The following PHF24 variants were observed in gnomAD, a reference collection of about 807,000 sequenced individuals.
PHF24 encodes the protein PHD finger protein 24, also known as Galpha inhibitory interacting protein.
PHF24 carries 25 observed loss-of-function variants against 42.6 expected under a neutral mutation model. The observed-to-expected ratio is 0.59, with a 90% CI of 0.43 to 0.82. The LOEUF is 0.82. Ranked by LOEUF, PHF24 falls within the 40% of genes least tolerant of loss-of-function variation. PHF24 has a pLI of 0.00. For synonymous variants in PHF24, 185 were observed against 204.8 expected (o/e 0.90, Z 0.83); for missense variants, 470 against 538.1 (o/e 0.87, Z 1.25).
chr9:34,691,327 C>A, the PHF24 span: 4 of 522,976 alleles, frequency 7.6e-6, no homozygotes, highest in Admixed American at 1.4e-4. Context: ...ACTTTCTCTG[C>A]CTGAAATTCC....
chr9:34,892,910 A>G, the PHF24 span: 1 of 691,524 alleles, frequency 1.4e-6, no homozygotes, highest in African/African-American at 1.8e-5. Flanking sequence ...TACAGATGCC[A>G]GTGAAAGCTC....
At chr9:34,919,388 C>T in the PHF24 span, among the ~76,000 whole-genome samples, 2 of 152,154 alleles carry the variant, frequency 1.3e-5, no homozygotes, top group African/African-American at 4.8e-5. Context: ...TGCTATCAAA[C>T]ATTAGAACTT....
chr9:34,864,096 A>G, the PHF24 span, among the ~76,000 whole-genome samples: 1 of 152,244 alleles, frequency 6.6e-6, no homozygotes, highest in Non-Finnish European at 1.5e-5. Flanking sequence ...TTGAAAATAC[A>G]CAGAGAATAC....
the PHF24 span, among the ~76,000 whole-genome samples, chr9:34,757,963 G>A: frequency 3.0e-4 from 45 of 152,086 alleles, no homozygotes; most frequent in Non-Finnish European, 5.1e-4. Flanking sequence ...GTGGTCCATG[G>A]GCTATTTCTC....
chr9:34,850,602 C>A, the PHF24 span, among the ~76,000 whole-genome samples: 1 of 152,224 alleles, frequency 6.6e-6, no homozygotes, highest in African/African-American at 2.4e-5. Flanking sequence ...TCTCTCAACT[C>A]GTCGAAGTCA....
intron 2 of PHF24, 151 bp downstream of exon 2, chr9:34,971,827 T>G: frequency 1.1e-6 from 1 of 924,290 alleles, no homozygotes; most frequent in Non-Finnish European, 1.6e-6. Context: ...AATAAAATGT[T>G]TGTTATATCC....
At chr9:34,837,296 C>T in the PHF24 span, 4 of 352,016 alleles carry the variant, frequency 1.1e-5, no homozygotes, top group Admixed American at 8.0e-5. Context: ...ACTTGTTCTT[C>T]TGTGCCCATT....
chr9:34,709,495 C>T, the PHF24 span: 17 of 1,613,902 alleles, frequency 1.1e-5, no homozygotes, highest in Admixed American at 3.3e-5. Flanking sequence ...CCTCAGATTC[C>T]TCACCTCTTG....
the PHF24 span, among the ~76,000 whole-genome samples, chr9:34,693,785 T>C: frequency 6.6e-6 from 1 of 152,260 alleles, no homozygotes; most frequent in Admixed American, 6.5e-5. Context: ...TATGTTGTTA[T>C]GTTTATCAGA....
the PHF24 span, among the ~76,000 whole-genome samples, chr9:34,911,036 C>T: frequency 6.6e-6 from 1 of 152,080 alleles, no homozygotes; most frequent in Non-Finnish European, 1.5e-5. Flanking sequence ...GTTGCTCAGA[C>T]TAGTCTTGAA....
At chr9:34,716,199 A>G in the PHF24 span, among the ~76,000 whole-genome samples, 2 of 152,182 alleles carry the variant, frequency 1.3e-5, no homozygotes, top group Non-Finnish European at 2.9e-5. Context: ...AGTGTGCAAA[A>G]TGTGTGTGTC....
chr9:34,729,088 T>C, the PHF24 span, among the ~76,000 whole-genome samples: 1 of 152,134 alleles, frequency 6.6e-6, no homozygotes, highest in Admixed American at 6.5e-5. Flanking sequence ...ATAGAGAGGT[T>C]CTTGGCTTTT....
chr9:34,724,788 C>A, the PHF24 span: 239 of 1,551,528 alleles, frequency 1.5e-4, no homozygotes, highest in African/African-American at 2.6e-3. Context: ...GGGATTTCCA[C>A]GGGACTAGGC....
the PHF24 span, chr9:34,922,371 G>C: frequency 6.7e-7 from 1 of 1,485,838 alleles, no homozygotes; most frequent in South Asian, 1.1e-5. Flanking sequence ...TTTCTCTGGG[G>C]AATTCAGAAC....
At chr9:34,973,496 T>C (rs1827079213) in intron 3 of PHF24, among the ~76,000 whole-genome samples, 1 of 152,348 alleles carries the variant, frequency 6.6e-6, no homozygotes, top group Non-Finnish European at 1.5e-5. Flanking sequence ...TTATATCCAT[T>C]TCTCACTACA....
chr9:34,808,278 G>A, the PHF24 span, among the ~76,000 whole-genome samples: 40 of 152,136 alleles, frequency 2.6e-4, no homozygotes, highest in African/African-American at 9.7e-4. Context: ...TGTATGTAGT[G>A]TTTAGCATCT....
chr9:34,873,097 G>A, the PHF24 span, among the ~76,000 whole-genome samples: 105,005 of 143,044 alleles, frequency 0.73, 38,564 homozygotes, highest in East Asian at 0.86. Flanking sequence ...GTAGATTCTG[G>A]ATATTAGCCC....
the PHF24 span, chr9:34,838,594 T>C: frequency 1.4e-6 from 1 of 738,980 alleles, no homozygotes; most frequent in Non-Finnish European, 2.2e-6. Context: ...CATATCCACC[T>C]CACAGAGGAC....
rs988773671 is a variant in PHF24 at position 34,977,384 on chromosome 9, C to T, written c.1010+141C>T. On this transcript the variant is annotated intron_variant, in intron 6 of 7. Transcript: ENST00000242315. ...GTGCATTAGGTAGAGGATGGTGATG[C>T]CTACGGGCCAGGGCATAGGACAGCC... 4.5e-5 allele frequency: 55 copies of T among 1,222,186 alleles called. No homozygotes were observed. In the East Asian group the frequency reaches 1.2e-3, roughly 26 times the overall value. The allele number at this position is 1,222,186 out of a possible 1,614,324, so 75.7% of individuals were successfully genotyped here.
Sources: gnomAD v4.1 joint callset for allele counts (sites outside exome capture counted in the v4.1 genomes callset) on GRCh38, gnomAD v4.1.1 for gene constraint, MANE v1.5 for transcripts, NCBI Gene and HGNC (gene_info 2026-07-23, HGNC 2026-07-21) for gene names.